The following SEPTIN9 variants were observed in gnomAD, a reference collection of about 807,000 sequenced individuals.
The protein encoded by SEPTIN9 is septin-9.
SEPTIN9 carries 13 observed loss-of-function variants against 56.6 expected under a neutral mutation model. The ratio of observed to expected loss-of-function variants is 0.23; its 90% confidence interval spans 0.15 to 0.37. The LOEUF is 0.37. Among genes scored for constraint, SEPTIN9 ranks in the 10% least tolerant of loss-of-function variants. The pLI is 1.00. For synonymous variants in SEPTIN9, 332 were observed against 334.1 expected (o/e 0.99, Z 0.07); for missense variants, 650 against 823.1 (o/e 0.79, Z 2.57).
chr17:77,289,002 C>G (rs554221137), intron 1 of SEPTIN9, among the ~76,000 whole-genome samples: 3 of 152,202 alleles, frequency 2.0e-5, no homozygotes, highest in South Asian at 4.1e-4. Flanking sequence ...GGCGATGAGT[C>G]ATTGGATAGC....
intron 2 of SEPTIN9, among the ~76,000 whole-genome samples, chr17:77,312,846 CTATT>C (rs1186767230): frequency 6.6e-6 from 1 of 152,184 alleles, no homozygotes; most frequent in Non-Finnish European, 1.5e-5. Context: ...GCATTTGTGA[CTATT>C]TAAGTTTAAA....
intron 4 of SEPTIN9, among the ~76,000 whole-genome samples, chr17:77,484,577 G>GTAA (rs753199732): frequency 0.5 from 55,845 of 111,928 alleles, 16,557 homozygotes; most frequent in African/African-American, 0.72. Flanking sequence ...GGTGATGGTG[G>GTAA]TTATGATGGT....
rs2037214536 is a variant in SEPTIN9 at position 77,433,290 on chromosome 17, C to T, written c.721+30587C>T. 6.6e-6 allele frequency among the ~76,000 whole-genome samples: 1 copy of T among 152,154 alleles called. No homozygotes were observed. The highest frequency in any genetic ancestry group is 2.4e-5 in the African/African-American group (1 of 41,424). ...CTTCCTGTGAGCCTAGGGAGCCCCT[C>T]CATGCAGCCCCTTCACTGGCCATTG... On this transcript the variant is annotated intron_variant, in intron 3 of 11. Transcript: ENST00000427177. The surrounding 1 kb of genome is among the most constrained non-coding windows in gnomAD (Gnocchi z 6.4).
intron 2 of SEPTIN9, among the ~76,000 whole-genome samples, chr17:77,390,872 G>GGGGACACGTTAGTGAAA (rs2035518239): frequency 6.6e-6 from 1 of 152,160 alleles, no homozygotes. Context: ...CTGTCCCTTG[G>GGGGACACGTTAGTGAAA]GGGACACGTT....
In SEPTIN9 at chr17:77,475,198, G is replaced by T. The variant is rs914069146; in HGVS notation, c.722-6946G>T. Reference sequence around the variant, plus strand: ...TGAGGTGTCTGGCTTCACAAACCCTGTGTGGGGGGGTTGTGGTGAGAGGAA... The same window carrying T: ...TGAGGTGTCTGGCTTCACAAACCCTTTGTGGGGGGGTTGTGGTGAGAGGAA... On this transcript the variant is annotated intron_variant, in intron 3 of 11. Coordinates refer to ENST00000427177, the MANE Select transcript of SEPTIN9 (RefSeq NM_001113491.2). The surrounding 1 kb of genome is among the most constrained non-coding windows in gnomAD (Gnocchi z 4.6). The T allele has an allele frequency of 3.3e-6, 4 of 1,219,466 alleles. No homozygotes were observed. Among genetic ancestry groups the T allele is most frequent in the Non-Finnish European group, 4.1e-6 (4 of 972,972 alleles). 75.5% of individuals were successfully genotyped at this position (1,219,466 alleles called of 1,614,324 possible).
chr17:77,396,006 G>A (rs1323354834), intron 2 of SEPTIN9, among the ~76,000 whole-genome samples: 5 of 152,224 alleles, frequency 3.3e-5, no homozygotes, highest in Non-Finnish European at 1.5e-5. Flanking sequence ...TTTGGAGCAA[G>A]TTGAGATCGG....
intron 2 of SEPTIN9, among the ~76,000 whole-genome samples, chr17:77,341,247 G>A (rs961818263): frequency 2.0e-5 from 3 of 152,294 alleles, no homozygotes; most frequent in East Asian, 3.9e-4. Context: ...TAAAGTGAGA[G>A]ACGGGTGACT....
At chr17:77,467,583 G>A (rs990864194) in intron 3 of SEPTIN9, among the ~76,000 whole-genome samples, 6 of 152,150 alleles carry the variant, frequency 3.9e-5, no homozygotes, top group Admixed American at 2.6e-4. Context: ...TTCCTGAACC[G>A]GCCTCCCACC....
intron 2 of SEPTIN9, among the ~76,000 whole-genome samples, chr17:77,308,985 C>T (rs779718928): frequency 1.3e-5 from 2 of 152,264 alleles, no homozygotes; most frequent in African/African-American, 2.4e-5. Context: ...AGAGGGGCTC[C>T]GCCCATCGCA....
chr17:77,345,918 CTTTGT>C (rs1372810701), intron 2 of SEPTIN9, among the ~76,000 whole-genome samples: 1 of 140,716 alleles, frequency 7.1e-6, no homozygotes, highest in African/African-American at 2.7e-5. Context: ...TTTCCAGATT[CTTTGT>C]TTTTTTTGTT....
chr17:77,360,915 CTTTTTTT>C (rs34718935), intron 2 of SEPTIN9, among the ~76,000 whole-genome samples: 4 of 76,800 alleles, frequency 5.2e-5, no homozygotes, highest in Non-Finnish European at 9.4e-5. Flanking sequence ...GTCTTTCATC[CTTTTTTT>C]TTTTTTTTTT....
intron 3 of SEPTIN9, among the ~76,000 whole-genome samples, chr17:77,459,426 G>C (rs755445901): frequency 6.6e-6 from 1 of 152,210 alleles, no homozygotes; most frequent in Non-Finnish European, 1.5e-5. Context: ...GTTAAGACCC[G>C]GGCCCGGTCT....
chr17:77,490,153 A>G (rs2039962212), intron 7 of SEPTIN9, among the ~76,000 whole-genome samples: 2 of 152,288 alleles, frequency 1.3e-5, no homozygotes, highest in African/African-American at 4.8e-5. Flanking sequence ...CTCCCCAGCC[A>G]TGTGTGTGAC....
chr17:77,285,906 G>A lies in SEPTIN9; in HGVS notation c.19+4352G>A, dbSNP rs191095369. On this transcript the variant is annotated intron_variant, in intron 1 of 11. Coordinates refer to ENST00000427177, the MANE Select transcript of SEPTIN9 (RefSeq NM_001113491.2). Reference sequence around the variant, plus strand: ...CCCAGCGCCCCGGGAGCTGACTTACGGGAAGGGCAAGGAATTGCACCCTCA... The same window carrying A: ...CCCAGCGCCCCGGGAGCTGACTTACAGGAAGGGCAAGGAATTGCACCCTCA... 1.5e-3 allele frequency among the ~76,000 whole-genome samples: 233 copies of A among 152,314 alleles called. 1 individual carries two copies. The highest frequency in any genetic ancestry group is 5.4e-3 in the African/African-American group (225 of 41,568).
At chr17:77,432,667 C>T (rs1163391360) in intron 3 of SEPTIN9, among the ~76,000 whole-genome samples, 1 of 152,146 alleles carries the variant, frequency 6.6e-6, no homozygotes. Flanking sequence ...GGGGACTGAG[C>T]GGGGGGTGTG....
intron 2 of SEPTIN9, among the ~76,000 whole-genome samples, chr17:77,341,391 G>A (rs914160589): frequency 2.6e-5 from 4 of 152,230 alleles, no homozygotes; most frequent in Non-Finnish European, 4.4e-5. Context: ...CAGTGGAGCA[G>A]TCAGAACATA....
intron 2 of SEPTIN9, among the ~76,000 whole-genome samples, chr17:77,312,987 T>C (rs1567987654): frequency 6.6e-6 from 1 of 152,052 alleles, no homozygotes; most frequent in Non-Finnish European, 1.5e-5. Flanking sequence ...GAGAGTTCTA[T>C]GGGGGGGCGC....
intron 2 of SEPTIN9, among the ~76,000 whole-genome samples, chr17:77,365,165 C>T (rs1415661410): frequency 2.6e-5 from 4 of 152,226 alleles, no homozygotes. Flanking sequence ...CCCACCCACA[C>T]CGCTACATCT....
At chr17:77,403,094 G>A (rs1027128717) in intron 3 of SEPTIN9, among the ~76,000 whole-genome samples, 1 of 152,146 alleles carries the variant, frequency 6.6e-6, no homozygotes, top group Non-Finnish European at 1.5e-5. Flanking sequence ...AGGACAGGGT[G>A]GAGTTGAGAC....
Sources: allele counts gnomAD v4.1 joint callset (sites outside exome capture counted in the v4.1 genomes callset), GRCh38; gene constraint gnomAD v4.1.1; non-coding constraint Gnocchi (gnomAD v3.1); transcripts MANE v1.5; gene names NCBI Gene and HGNC (gene_info 2026-07-23, HGNC 2026-07-21).